Variants in SCP2 observed in about 807,000 individuals in gnomAD.
SCP2 encodes SCP-2/3-oxoacyl-CoA thiolase.
In SCP2, 48 loss-of-function variants were observed where a neutral mutation model predicts 71.4. That is an observed-to-expected ratio of 0.67 (90% confidence interval 0.53 to 0.86). SCP2 has a LOEUF of 0.86. SCP2 is among the 40% of genes least tolerant of loss of function. The pLI, the probability that SCP2 is intolerant of heterozygous loss-of-function variation, is 0.00. For synonymous variants in SCP2, 220 were observed against 218.1 expected (o/e 1.01, Z -0.08); for missense variants, 560 against 655.6 (o/e 0.85, Z 1.59).
chr1:52,930,319 T>A (rs1201100934), intron 1 of SCP2, among the ~76,000 whole-genome samples: 3 of 148,100 alleles, frequency 2.0e-5, no homozygotes, highest in Non-Finnish European at 4.5e-5. Flanking sequence ...AAGTATATCT[T>A]AAAAAAAAAA....
At chr1:53,037,756 A>G (rs9662321) in intron 13 of SCP2, among the ~76,000 whole-genome samples, 14,953 of 151,994 alleles carry the variant, frequency 0.098, 1,463 homozygotes, top group African/African-American at 0.22. Flanking sequence ...AAAAATATAC[A>G]TAAGGCTAGC....
chr1:52,961,066 C>CTTTTT (rs774047289), intron 5 of SCP2, among the ~76,000 whole-genome samples: 8 of 92,182 alleles, frequency 8.7e-5, no homozygotes, highest in South Asian at 3.9e-4. Flanking sequence ...TCCTTTGGTT[C>CTTTTT]TTTTTTTTTT....
chr1:52,954,721 A>G lies in SCP2; in HGVS notation c.332-19A>G. ...GTTTGGAAATTTGAATTTTCAAAAT[A>G]ATTACGTTTTCCTTTAAGGTGTGGC... On this transcript the variant is annotated intron_variant, in intron 4 of 15. Coordinates refer to ENST00000371514, the MANE Select transcript of SCP2 (RefSeq NM_002979.5). The G allele has an allele frequency of 6.2e-7, 1 of 1,606,912 alleles. No homozygotes were observed. The highest frequency in any genetic ancestry group is 8.5e-7 in the Non-Finnish European group (1 of 1,173,428).
intron 14 of SCP2, among the ~76,000 whole-genome samples, chr1:53,041,473 T>C (rs17107724): frequency 0.039 from 5,874 of 152,104 alleles, 422 homozygotes; most frequent in Admixed American, 0.18. Context: ...TACCAAAGCT[T>C]TTAAATATAC....
Position 52,976,764 on chromosome 1 carries a change from A to G in SCP2, c.669A>G (p.Gln223=). The change falls in exon 8 of 16, where the codon CAA becomes CAG. Residue 223 remains glutamine, a synonymous_variant. Coordinates refer to ENST00000371514, the MANE Select transcript of SCP2 (RefSeq NM_002979.5). ...KEVFDFLTIL[Q]CCPTSDGAAA... ...TTTTTGATTTTTTGACTATCTTACA[A>G]TGTTGGTAAGAAAAATATATTTTAA... 1 of 1,415,456 alleles carries G rather than the reference A, an allele frequency of 7.1e-7. No homozygotes were observed. The highest frequency in any genetic ancestry group is 1.0e-6 in the Non-Finnish European group (1 of 999,366). The allele number at this position is 1,415,456 out of a possible 1,614,324, so 87.7% of individuals were successfully genotyped here. A position where few individuals can be genotyped will look rare whatever the true frequency, so the allele number is the denominator to read the frequency against.
intron 11 of SCP2, among the ~76,000 whole-genome samples, chr1:53,013,882 C>CTT (rs71044449): frequency 0.014 from 872 of 63,082 alleles, 117 homozygotes; most frequent in Non-Finnish European, 0.019. Context: ...ATAGAACATT[C>CTT]TTTTTTTTTT....
At chr1:52,978,439 C>T in intron 9 of SCP2, 72 bp downstream of exon 9, 1 of 1,204,308 alleles carries the variant, frequency 8.3e-7, no homozygotes, top group Non-Finnish European at 1.2e-6. Flanking sequence ...TGGAGCCATG[C>T]ATTATTATAT....
Position 52,954,755 on chromosome 1 carries a change from T to C in SCP2, c.347T>C (p.Val116Ala). ...QLIQGGVAEC[V>A]LALGFEKMSK... ...TTCCTTTAAGGTGTGGCAGAATGTG[T>C]CTTGGCTCTTGGGTTTGAGAAGATG... The change falls in exon 5 of 16, where the codon GTC becomes GCC. Residue 116 changes from valine (V) to alanine (A), a missense_variant. Physicochemically the swap from Val to Ala is moderately conservative, Grantham distance 64. Coordinates refer to ENST00000371514, the MANE Select transcript of SCP2 (RefSeq NM_002979.5). 1 of 1,613,844 alleles carries C rather than the reference T, an allele frequency of 6.2e-7. No homozygotes were observed. Among genetic ancestry groups the C allele is most frequent in the African/African-American group, 1.3e-5 (1 of 75,060 alleles).
intron 12 of SCP2, among the ~76,000 whole-genome samples, chr1:53,020,902 G>A (rs1352265959): frequency 6.6e-6 from 1 of 152,110 alleles, no homozygotes; most frequent in African/African-American, 2.4e-5. Context: ...CTGTACGACC[G>A]TCTCCAGTCA....
rs79407385 is a variant in SCP2, at chr1:53,046,657, C to A, written c.1469-1201C>A. Among the ~76,000 whole-genome samples, 300 of 152,184 alleles carry A rather than the reference C, an allele frequency of 2.0e-3. 2 individuals carry two copies. The highest frequency in any genetic ancestry group is 6.8e-3 in the African/African-American group (281 of 41,534). ...ATATGAGTTGCAAATATCTTCTCCT[C>A]CCTCTGTCTGCCACCTGTTTAAAAT... On this transcript the variant is annotated intron_variant, in intron 14 of 15. Coordinates refer to ENST00000371514, the MANE Select transcript of SCP2 (RefSeq NM_002979.5).
At chr1:53,041,017 C>T (rs1288618994) in intron 14 of SCP2, among the ~76,000 whole-genome samples, 1 of 152,052 alleles carries the variant, frequency 6.6e-6, no homozygotes, top group Non-Finnish European at 1.5e-5. Flanking sequence ...TAAGTGGTAG[C>T]TGTACTGTAC....
intron 15 of SCP2, chr1:53,050,202 G>C (rs1025733751): frequency 1.8e-5 from 4 of 226,106 alleles, no homozygotes; most frequent in African/African-American, 9.4e-5. Context: ...TCATTCACAT[G>C]CATGTTGGAT....
intron 6 of SCP2, among the ~76,000 whole-genome samples, chr1:52,962,762 C>A (rs965156318): frequency 3.3e-5 from 5 of 152,086 alleles, no homozygotes; most frequent in Admixed American, 2.0e-4. Flanking sequence ...TTAAAAGCCA[C>A]CTTCTGCTTT....
intron 14 of SCP2, among the ~76,000 whole-genome samples, chr1:53,040,519 T>C (rs1396762160): frequency 1.3e-5 from 2 of 152,136 alleles, no homozygotes; most frequent in Admixed American, 6.5e-5. Flanking sequence ...ACCACCCTTT[T>C]TAAAATCTTA....
At chr1:53,013,827 A>G (rs1258791149) in intron 11 of SCP2, among the ~76,000 whole-genome samples, 3 of 150,902 alleles carry the variant, frequency 2.0e-5, no homozygotes, top group African/African-American at 7.3e-5. Context: ...TGTGTATGGA[A>G]GAATAGGCAC....
chr1:52,966,852 C>T (rs1657010805), intron 6 of SCP2, among the ~76,000 whole-genome samples: 1 of 151,246 alleles, frequency 6.6e-6, no homozygotes, highest in Non-Finnish European at 1.5e-5. Context: ...GAGATCATGC[C>T]ATTGTACTCC....
chr1:53,039,185 G>C (rs1291972083), intron 14 of SCP2, 139 bp downstream of exon 14: 2 of 1,090,328 alleles, frequency 1.8e-6, no homozygotes, highest in Non-Finnish European at 2.7e-6. Context: ...CCAGGGAACA[G>C]GAACAGGTCA....
At chr1:52,971,015 G>A (rs1436589816) in intron 6 of SCP2, among the ~76,000 whole-genome samples, 2 of 108,700 alleles carry the variant, frequency 1.8e-5, no homozygotes, top group African/African-American at 3.7e-5. Flanking sequence ...TCAGTCTGTT[G>A]CCCAGGCTGG....
At chr1:52,960,504 G>GTATATATA (rs1656255423) in intron 5 of SCP2, among the ~76,000 whole-genome samples, 5 of 138,394 alleles carry the variant, frequency 3.6e-5, no homozygotes, top group African/African-American at 1.1e-4. Context: ...GTGTGTGTGT[G>GTATATATA]TGTGTGTGTG....
Sources: gnomAD v4.1 joint callset for allele counts (sites outside exome capture counted in the v4.1 genomes callset) on GRCh38, gnomAD v4.1.1 for gene constraint, MANE v1.5 for transcripts, NCBI Gene and HGNC (gene_info 2026-07-23, HGNC 2026-07-21) for gene names.